Variants in KYAT3 observed in about 807,000 individuals in gnomAD.
KYAT3 encodes the protein kynurenine--oxoglutarate transaminase 3.
A neutral mutation model predicts 59.0 loss-of-function variants in KYAT3; 50 were observed. The observed-to-expected ratio is 0.85, with a 90% confidence interval of 0.68 to 1.07. KYAT3 has a LOEUF of 1.07. Ranked by LOEUF, KYAT3 falls within the 50% of genes least tolerant of loss-of-function variation. The pLI is 0.00. For missense variants in KYAT3, 497 were observed against 533.3 expected (o/e 0.93, Z 0.67); for synonymous variants, 148 against 177.0 (o/e 0.84, Z 1.30).
chr1:88,971,600 G>C (rs1423031172), intron 2 of KYAT3, among the ~76,000 whole-genome samples: 1 of 152,150 alleles, frequency 6.6e-6, no homozygotes, highest in Non-Finnish European at 1.5e-5. Context: ...TGACAAAACA[G>C]TGTGATAGCT....
intron 2 of KYAT3, chr1:88,983,192 TCATCTCTTGGGGACAAATAAA>T (rs752019141): frequency 1.2e-6 from 2 of 1,612,674 alleles, no homozygotes. Flanking sequence ...AGAATACCCA[TCATCTCTTGGGGACAAATAAA>T]CATCTCTACG....
At chr1:88,927,091 T>C in the KYAT3 span, among the ~76,000 whole-genome samples, 2 of 152,306 alleles carry the variant, frequency 1.3e-5, no homozygotes, top group Non-Finnish European at 2.9e-5. Context: ...CAGAGGTCCA[T>C]GGGTGGTTAC....
chr1:88,938,583 T>C (rs1299839670), intron 13 of KYAT3, among the ~76,000 whole-genome samples: 1 of 152,150 alleles, frequency 6.6e-6, no homozygotes, highest in Non-Finnish European at 1.5e-5. Context: ...CCCTTCTTTG[T>C]GTTCATGAGT....
chr1:88,931,880 C>CAAAAAAAAAAAAAAAA, downstream of KYAT3, among the ~76,000 whole-genome samples: 2 of 30,978 alleles, frequency 6.5e-5, 1 homozygote, highest in Non-Finnish European at 1.2e-4. Context: ...CCTGCAACTG[C>CAAAAAAAAAAAAAAAA]AAAAAAAAAA....
downstream of KYAT3, among the ~76,000 whole-genome samples, chr1:88,933,965 G>C (rs564785223): frequency 6.6e-6 from 1 of 152,276 alleles, no homozygotes; most frequent in South Asian, 2.1e-4. Context: ...ATAACTGGAG[G>C]GAAGGAAGGA....
In KYAT3 at chr1:88,950,133, G is replaced by A. The variant is rs1006600099; in HGVS notation, c.955-856C>T. Among the ~76,000 whole-genome samples, 6 of 152,172 alleles carry A rather than the reference G, an allele frequency of 3.9e-5. No individual in the cohort carries two copies. The South Asian group carries it at 1.2e-3, about 32-fold the overall frequency. On this transcript the variant is annotated intron_variant, in intron 10 of 13. Transcript: ENST00000260508. ...CCCACCAGACACCAAATCTGCTGGT[G>A]CCTTATCTTGGACTTTGCTGCCTCC... is the stretch of plus-strand genomic sequence containing the variant.
intron 2 of KYAT3, chr1:88,982,178 G>T: frequency 2.3e-6 from 2 of 875,048 alleles, no homozygotes; most frequent in South Asian, 1.0e-4. Flanking sequence ...TTTGCATACT[G>T]AGAACAGTGA....
chr1:88,921,538 T>G, the KYAT3 span, among the ~76,000 whole-genome samples: 1 of 152,358 alleles, frequency 6.6e-6, no homozygotes, highest in Admixed American at 6.5e-5. Flanking sequence ...TGTCTTATTA[T>G]TGTGTAGTAT....
At chr1:88,931,760 T>C (rs571024924), downstream of KYAT3, among the ~76,000 whole-genome samples, 4 of 151,714 alleles carry the variant, frequency 2.6e-5, no homozygotes, top group South Asian at 8.4e-4. Context: ...TCTTATCACC[T>C]GAGAGCACAA....
At chr1:88,958,329 T>C (rs1371218445) in intron 8 of KYAT3, among the ~76,000 whole-genome samples, 1 of 151,828 alleles carries the variant, frequency 6.6e-6, no homozygotes, top group Non-Finnish European at 1.5e-5. Flanking sequence ...CTATACTCTA[T>C]AGTTTCTAAA....
In KYAT3 at chr1:88,961,282, A is replaced by G. The variant is rs375894384; in HGVS notation, c.672T>C (p.Tyr224=). Residue 224 remains tyrosine, a synonymous_variant, in exon 8 of 14, where the codon TAT becomes TAC. Coordinates refer to ENST00000260508, the MANE Select transcript of KYAT3 (RefSeq NM_001008661.3). ...NTPHNPLGKV[Y]NREELQVIAD... ...CAATTACTTGCAGTTCCTCTCTGTT[A>G]TACACCTACACATAATAAAGGAAAG... 4 of 1,613,690 alleles carry G rather than the reference A, an allele frequency of 2.5e-6. No homozygotes were observed.
intron 4 of KYAT3, among the ~76,000 whole-genome samples, chr1:88,967,461 T>C (rs1676390151): frequency 6.6e-6 from 1 of 151,994 alleles, no homozygotes; most frequent in Non-Finnish European, 1.5e-5. Flanking sequence ...GCAATTACTT[T>C]TGCACTGACC....
Position 88,943,386 on chromosome 1 carries a change from A to G in KYAT3, c.1179T>C (p.Tyr393=). 1 of 1,586,366 alleles carries G rather than the reference A, an allele frequency of 6.3e-7. No individual in the cohort carries two copies. Among genetic ancestry groups the G allele is most frequent in the Non-Finnish European group, 8.6e-7 (1 of 1,163,500 alleles). ...TCATCCATTTCACAAACTTATAGTCATAAGGCTCATTATTCTTCATATCAG... is the reference window on the plus strand; with the variant it reads ...TCATCCATTTCACAAACTTATAGTCGTAAGGCTCATTATTCTTCATATCAG... The part of the protein sequence containing the change: ...DLSDMKNNEP[Y]DYKFVKWMTK... The change falls in exon 12 of 14, where the codon TAT becomes TAC. Residue 393 remains tyrosine (Y), a synonymous_variant. Coordinates refer to ENST00000260508, the MANE Select transcript of KYAT3 (RefSeq NM_001008661.3).
intron 2 of KYAT3, among the ~76,000 whole-genome samples, chr1:88,975,910 C>T (rs1259636084): frequency 6.6e-6 from 1 of 152,144 alleles, no homozygotes; most frequent in Non-Finnish European, 1.5e-5. Context: ...TGGCAAGTGC[C>T]TGTAGTCCCA....
rs1675025942 is a variant in KYAT3, at chr1:88,936,099, C to A, written c.*84G>T. ...TTAAATTCCAGTTGTACTGAAATACCTTTTAACATCCAGCAGGTGGCAGCA... is the reference window on the plus strand; with the variant it reads ...TTAAATTCCAGTTGTACTGAAATACATTTTAACATCCAGCAGGTGGCAGCA... On this transcript the variant is annotated 3_prime_UTR_variant, in exon 14 of 14. Coordinates refer to ENST00000260508, the MANE Select transcript of KYAT3 (RefSeq NM_001008661.3). 1 of 879,026 alleles carries A rather than the reference C, an allele frequency of 1.1e-6. No individual in the cohort carries two copies. The highest frequency in any genetic ancestry group is 1.7e-5 in the South Asian group (1 of 58,128). The allele number at this position is 879,026 out of a possible 1,614,324, so 54.5% of individuals were successfully genotyped here.
In KYAT3 at chr1:88,969,463, A is replaced by G; in HGVS notation, c.104T>C (p.Met35Thr). The change falls in exon 3 of 14, where the codon ATG becomes ACG. Residue 35 changes from methionine (M) to threonine (T), a missense_variant. This residue lies in a region of KYAT3 where 469 missense variants were observed against 479.1 expected (regional missense o/e 0.98). Transcript: ENST00000260508. ...TTTTGCATTTGTGAATTTCAGTGAC[A>G]TTTTCTGAAATATATAAATATTGAA... is the stretch of plus-strand genomic sequence containing the variant. The part of the protein sequence containing the change: ...KILGFSTSAK[M>T]SLKFTNAKRI... The G allele has an allele frequency of 2.6e-6, 4 of 1,558,218 alleles. No homozygotes were observed. The highest frequency in any genetic ancestry group is 2.7e-6 in the Non-Finnish European group (3 of 1,131,148).
At chr1:88,970,922 A>C (rs927677013) in intron 2 of KYAT3, among the ~76,000 whole-genome samples, 4 of 152,184 alleles carry the variant, frequency 2.6e-5, no homozygotes, top group African/African-American at 9.7e-5. Context: ...TACCTTTTTT[A>C]GTGTCATATT....
intron 11 of KYAT3, among the ~76,000 whole-genome samples, chr1:88,943,800 A>T (rs1278512677): frequency 6.6e-6 from 1 of 152,230 alleles, no homozygotes; most frequent in Non-Finnish European, 1.5e-5. Context: ...TTCATCAGTA[A>T]GATTATATCT....
At chr1:88,962,248 C>T in intron 5 of KYAT3, 103 bp from the exon 6 acceptor site, 1 of 876,064 alleles carries the variant, frequency 1.1e-6, no homozygotes, top group Non-Finnish European at 1.8e-6. Flanking sequence ...TGTTGGGATA[C>T]AGCAGTGAAA....
Sources: gnomAD v4.1 joint callset for allele counts (sites outside exome capture counted in the v4.1 genomes callset) on GRCh38, gnomAD v4.1.1 for gene constraint, gnomAD v4.1.1 regional missense constraint, MANE v1.5 for transcripts, NCBI Gene and HGNC (gene_info 2026-07-23, HGNC 2026-07-21) for gene names.